Variants in HHIP observed in about 807,000 individuals in gnomAD.
HHIP encodes hedgehog-interacting protein.
Under a neutral mutation model 74.0 loss-of-function variants are expected in HHIP, and 12 were observed. That is an observed-to-expected ratio of 0.16 (90% CI 0.10 to 0.26). HHIP has a LOEUF of 0.26. Ranked by LOEUF, HHIP falls within the 10% of genes least tolerant of loss-of-function variation. HHIP has a pLI of 1.00. For missense variants in HHIP, 788 were observed against 845.0 expected (o/e 0.93, Z 0.84); for synonymous variants, 309 against 311.6 (o/e 0.99, Z 0.09).
intron 7 of HHIP, 75 bp downstream of exon 7, chr4:144,708,386 G>C: frequency 6.8e-7 from 1 of 1,480,904 alleles, no homozygotes; most frequent in South Asian, 1.1e-5. Flanking sequence ...ATATAGCATA[G>C]AGCATATACC....
intron 4 of HHIP, among the ~76,000 whole-genome samples, chr4:144,669,600 T>G (rs1728975040): frequency 6.6e-6 from 1 of 152,162 alleles, no homozygotes; most frequent in Admixed American, 6.5e-5. Flanking sequence ...CTAATTACTC[T>G]ATCATACCTC....
chr4:144,707,019 T>G, intron 5 of HHIP, 68 bp from the exon 6 acceptor site: 3 of 1,330,300 alleles, frequency 2.3e-6, no homozygotes, highest in Non-Finnish European at 3.2e-6. Context: ...TTATATACTA[T>G]TCACTTTCTG....
chr4:144,664,891 T>G (rs12501043), intron 4 of HHIP, among the ~76,000 whole-genome samples: 1 of 152,036 alleles, frequency 6.6e-6, no homozygotes. Context: ...AAGAGAGTTG[T>G]TATAGTGGTG....
intron 4 of HHIP, among the ~76,000 whole-genome samples, chr4:144,679,618 A>G (rs115746975): frequency 0.011 from 1,697 of 152,276 alleles, 30 homozygotes; most frequent in African/African-American, 0.037. Flanking sequence ...AACACCATGT[A>G]TTAATTAGGG....
chr4:144,699,403 C>G (rs1432892703), intron 4 of HHIP, among the ~76,000 whole-genome samples: 2 of 152,078 alleles, frequency 1.3e-5, no homozygotes, highest in Non-Finnish European at 2.9e-5. Flanking sequence ...TCTGGGTGTG[C>G]CACTCTCTGT....
intron 4 of HHIP, among the ~76,000 whole-genome samples, chr4:144,688,477 G>A (rs1729547413): frequency 1.3e-5 from 2 of 152,126 alleles, no homozygotes; most frequent in African/African-American, 4.8e-5. Context: ...CCTGTGCCAA[G>A]ATAAGATTTT....
In HHIP at chr4:144,714,180, T is replaced by C. The variant is rs777541861; in HGVS notation, c.1424-45T>C. 5 of 1,564,164 alleles carry C rather than the reference T, an allele frequency of 3.2e-6. No homozygotes were observed. In the African/African-American group the frequency reaches 4.1e-5, roughly 13 times the overall value. ...TGTTTGGTGTACATTCCTTTTACTT[T>C]ATGAAAATATGTTTCATTTGATCTA... On this transcript the variant is annotated intron_variant, in intron 8 of 12. Coordinates refer to ENST00000296575, the MANE Select transcript of HHIP (RefSeq NM_022475.3).
intron 11 of HHIP, among the ~76,000 whole-genome samples, chr4:144,731,058 A>G (rs1324008378): frequency 1.3e-5 from 2 of 152,164 alleles, no homozygotes; most frequent in African/African-American, 2.4e-5. Flanking sequence ...TGTACCTTGG[A>G]AAAAAACTTT....
intron 4 of HHIP, among the ~76,000 whole-genome samples, chr4:144,663,582 T>C (rs1728775161): frequency 6.6e-6 from 1 of 152,218 alleles, no homozygotes; most frequent in Admixed American, 6.5e-5. Flanking sequence ...TTAGTTTATA[T>C]ATATTACTTA....
chr4:144,656,474 A>C (rs1480073942), intron 2 of HHIP, among the ~76,000 whole-genome samples: 3 of 152,180 alleles, frequency 2.0e-5, no homozygotes, highest in Non-Finnish European at 2.9e-5. Flanking sequence ...AATTCCCTTT[A>C]AATTGGAATT....
chr4:144,734,368 G>A (rs1473931595), intron 11 of HHIP, among the ~76,000 whole-genome samples: 1 of 151,936 alleles, frequency 6.6e-6, no homozygotes, highest in Non-Finnish European at 1.5e-5. Context: ...AAACATTTTT[G>A]TAGATATAGG....
intron 10 of HHIP, 21 bp from the exon 11 acceptor site, chr4:144,718,854 T>C: frequency 6.6e-7 from 1 of 1,510,268 alleles, no homozygotes; most frequent in Non-Finnish European, 9.2e-7. Context: ...ATTTGCTTAT[T>C]GTTATTTCTT....
At chr4:144,699,522 G>C (rs1729918707) in intron 4 of HHIP, among the ~76,000 whole-genome samples, 1 of 152,096 alleles carries the variant, frequency 6.6e-6, no homozygotes, top group Non-Finnish European at 1.5e-5. Context: ...TGCTCCCTGG[G>C]GTTGTGGGGT....
chr4:144,694,892 T>C (rs1052065527), intron 4 of HHIP, among the ~76,000 whole-genome samples: 1 of 151,826 alleles, frequency 6.6e-6, no homozygotes, highest in Non-Finnish European at 1.5e-5. Flanking sequence ...AAAAATCTAA[T>C]ATTCCAGTAA....
At position 144,658,513 on chromosome 4, in the gene HHIP, C is replaced by T. The variant is rs557273525; in HGVS notation, c.473-277C>T. ...CCTCCCGAATAGCTAGGATTATAGG[C>T]GCATGCCACCATGCCCTGCTAATTT... On this transcript the variant is annotated intron_variant, in intron 2 of 12. Coordinates refer to ENST00000296575, the MANE Select transcript of HHIP (RefSeq NM_022475.3). Among the ~76,000 whole-genome samples, 53 of 151,942 alleles carry T rather than the reference C, an allele frequency of 3.5e-4. No homozygotes were observed. The South Asian group carries it at 0.01, about 29-fold the overall frequency.
At chr4:144,696,699 C>T (rs1053718874) in intron 4 of HHIP, among the ~76,000 whole-genome samples, 1 of 151,930 alleles carries the variant, frequency 6.6e-6, no homozygotes, top group East Asian at 1.9e-4. Flanking sequence ...TCCTCTATGC[C>T]TCTTGTTTCC....
At chr4:144,709,382 G>C (rs1276948216) in intron 7 of HHIP, among the ~76,000 whole-genome samples, 1 of 152,132 alleles carries the variant, frequency 6.6e-6, no homozygotes, top group Non-Finnish European at 1.5e-5. Flanking sequence ...ACACTTTGAA[G>C]TCAGGCAGCC....
chr4:144,744,323 G>A lies in HHIP; in HGVS notation c.*6366G>A, dbSNP rs1214471552. The A allele has an allele frequency of 6.6e-6, 1 of 152,144 alleles. No individual in the cohort carries two copies. Among genetic ancestry groups the A allele is most frequent in the Non-Finnish European group, 1.5e-5 (1 of 68,000 alleles). The allele number at this position is 152,144 out of a possible 1,614,324, so 9.4% of individuals were successfully genotyped here. ...TTTTATCTGTGATTTATTTTGTCCAGTATTAAGGAATGGTTATCTTTATCA... is the reference window on the plus strand; with the variant it reads ...TTTTATCTGTGATTTATTTTGTCCAATATTAAGGAATGGTTATCTTTATCA... On this transcript the variant is annotated 3_prime_UTR_variant, in exon 13 of 13. Coordinates refer to ENST00000296575, the MANE Select transcript of HHIP (RefSeq NM_022475.3).
intron 4 of HHIP, chr4:144,660,067 C>A (rs1042303671): frequency 1.8e-6 from 1 of 551,228 alleles, no homozygotes; most frequent in Non-Finnish European, 3.2e-6. Context: ...ATTTGACATG[C>A]TTTCCCCATG....
Sources: gnomAD v4.1 joint callset for allele counts (sites outside exome capture counted in the v4.1 genomes callset) on GRCh38, gnomAD v4.1.1 for gene constraint, MANE v1.5 for transcripts, NCBI Gene and HGNC (gene_info 2026-07-23, HGNC 2026-07-21) for gene names.